The following PCDHA5 variants were observed in gnomAD, a reference collection of about 807,000 sequenced individuals.
PCDHA5 encodes the protein protocadherin alpha-5.
In PCDHA5, 43 loss-of-function variants were observed where a neutral mutation model predicts 61.6. The ratio of observed to expected loss-of-function variants is 0.70; its 90% CI spans 0.55 to 0.90. The LOEUF (loss-of-function observed/expected upper bound fraction) is 0.90. Ranked by LOEUF, PCDHA5 falls within the 40% of genes least tolerant of loss-of-function variation. The probability of loss-of-function intolerance (pLI) is 0.00; values close to 1 mark genes in which losing one functional copy is unlikely to be tolerated. For missense variants in PCDHA5, 1,298 were observed against 1,222.7 expected (o/e 1.06, Z -0.92); for synonymous variants, 627 against 543.9 (o/e 1.15, Z -2.13).
chr5:140,923,644 C>G (rs1554201552), intron 1 of PCDHA5, among the ~76,000 whole-genome samples: 1 of 152,204 alleles, frequency 6.6e-6, no homozygotes. Flanking sequence ...AAATCTTTAG[C>G]CTCCCTTATC....
chr5:140,863,202 G>A (rs559007513), intron 1 of PCDHA5: 5 of 934,632 alleles, frequency 5.3e-6, no homozygotes, highest in African/African-American at 1.7e-5. Flanking sequence ...CGTCGCTGGC[G>A]GAGAGCAGCC....
At chr5:140,987,444 C>T (rs2097254283) in intron 3 of PCDHA5, among the ~76,000 whole-genome samples, 2 of 151,998 alleles carry the variant, frequency 1.3e-5, no homozygotes, top group Admixed American at 6.6e-5. Flanking sequence ...TCCCCATGCC[C>T]GAGAGATAAT....
At chr5:140,937,546 G>A (rs1584916949) in intron 1 of PCDHA5, among the ~76,000 whole-genome samples, 1 of 152,050 alleles carries the variant, frequency 6.6e-6, no homozygotes, top group Non-Finnish European at 1.5e-5. Flanking sequence ...GAACCTGCGA[G>A]GCAGAGGTTG....
chr5:140,998,743 T>A (rs2097832293), intron 3 of PCDHA5, among the ~76,000 whole-genome samples: 1 of 152,138 alleles, frequency 6.6e-6, no homozygotes, highest in Non-Finnish European at 1.5e-5. Flanking sequence ...TTTGTATTTT[T>A]AGAAGAGACA....
chr5:140,841,710 C>G (rs2150321322), intron 1 of PCDHA5: 2 of 1,613,856 alleles, frequency 1.2e-6, no homozygotes, highest in African/African-American at 1.3e-5. Context: ...AATGACAACC[C>G]GCCAGTGTTC....
intron 1 of PCDHA5, among the ~76,000 whole-genome samples, chr5:140,946,079 G>A (rs2093884371): frequency 6.6e-6 from 1 of 151,926 alleles, no homozygotes; most frequent in African/African-American, 2.4e-5. Context: ...GCAAACCACA[G>A]ATCTGATAAG....
intron 1 of PCDHA5, chr5:140,829,729 C>A (rs1770524525): frequency 6.2e-7 from 1 of 1,613,494 alleles, no homozygotes; most frequent in African/African-American, 1.3e-5. Context: ...CGCCTCTGGG[C>A]AGCAACGTGA....
At chr5:140,890,968 T>C (rs559851253) in intron 1 of PCDHA5, among the ~76,000 whole-genome samples, 7 of 152,190 alleles carry the variant, frequency 4.6e-5, no homozygotes, top group African/African-American at 7.2e-5. Flanking sequence ...AGGTTTTGTT[T>C]TTCTGAAAAT....
chr5:140,829,050 T>C (rs1554131730), intron 1 of PCDHA5: 3 of 1,613,108 alleles, frequency 1.9e-6, no homozygotes, highest in African/African-American at 2.7e-5. Context: ...AAAATCCTCA[T>C]TGACGCCACG....
At position 140,876,570 on chromosome 5, in the gene PCDHA5, T is replaced by A. The variant is rs782551095; in HGVS notation, c.2352+52443T>A. 5.7e-5 allele frequency: 92 copies of A among 1,614,172 alleles called. No individual in the cohort carries two copies. In the East Asian group the frequency reaches 2.0e-3, roughly 35 times the overall value. On this transcript the variant is annotated intron_variant, in intron 1 of 3. Coordinates refer to ENST00000529859, the MANE Select transcript of PCDHA5 (RefSeq NM_018908.3). The stretch of plus-strand genomic sequence containing the variant: ...CTGTGCAAGAGGATGCTCAGGTGGG[T>A]ACCGTCATTGCCCTGATTAGCGTGT...
chr5:140,829,322 A>G, intron 1 of PCDHA5: 1 of 1,614,248 alleles, frequency 6.2e-7, no homozygotes, highest in Non-Finnish European at 8.5e-7. Flanking sequence ...GGTGCTGGAC[A>G]GTGCCCTGGA....
chr5:140,877,917 TTTC>T, intron 1 of PCDHA5: 2 of 1,427,712 alleles, frequency 1.4e-6, no homozygotes, highest in East Asian at 5.0e-5. Flanking sequence ...TTCTCTCATT[TTTC>T]TTTATGATTC....
chr5:140,930,654 C>T (rs1229167848), intron 1 of PCDHA5, among the ~76,000 whole-genome samples: 1 of 152,106 alleles, frequency 6.6e-6, no homozygotes, highest in Non-Finnish European at 1.5e-5. Context: ...ATGAAGCATT[C>T]CTTGTTTTAC....
chr5:140,870,509 C>T, intron 1 of PCDHA5: 2 of 1,614,230 alleles, frequency 1.2e-6, no homozygotes, highest in Non-Finnish European at 1.7e-6. Context: ...AACAACCCAC[C>T]AGGCTGCCAC....
chr5:140,927,486 C>T (rs782314357), intron 1 of PCDHA5: 11 of 1,614,010 alleles, frequency 6.8e-6, no homozygotes, highest in Non-Finnish European at 8.5e-6. Flanking sequence ...AGCGCGCCAC[C>T]CACCTGCTGG....
intron 3 of PCDHA5, among the ~76,000 whole-genome samples, chr5:140,997,018 A>G (rs1403831704): frequency 6.6e-6 from 1 of 151,882 alleles, no homozygotes; most frequent in African/African-American, 2.4e-5. Flanking sequence ...ATCCTCCAAT[A>G]TTTTTTTGAA....
At chr5:140,953,546 T>G (rs2094902084) in intron 1 of PCDHA5, among the ~76,000 whole-genome samples, 1 of 152,136 alleles carries the variant, frequency 6.6e-6, no homozygotes, top group African/African-American at 2.4e-5. Context: ...ATGCTGATTC[T>G]TTTCTCCAAG....
chr5:140,829,742 C>G, intron 1 of PCDHA5: 1 of 1,613,678 alleles, frequency 6.2e-7, no homozygotes, highest in Non-Finnish European at 8.5e-7. Context: ...CAACGTGACG[C>G]TGCAGGTGTT....
intron 1 of PCDHA5, among the ~76,000 whole-genome samples, chr5:140,931,210 G>A (rs1326851548): frequency 6.6e-6 from 1 of 152,064 alleles, no homozygotes; most frequent in African/African-American, 2.4e-5. Flanking sequence ...TAGTATTTCA[G>A]GTATCAGAGC....
Sources: allele counts gnomAD v4.1 joint callset (sites outside exome capture counted in the v4.1 genomes callset), GRCh38; gene constraint gnomAD v4.1.1; transcripts MANE v1.5; gene names NCBI Gene and HGNC (gene_info 2026-07-23, HGNC 2026-07-21).